The following CLSTN2 variants were observed in gnomAD, a reference collection of about 807,000 sequenced individuals.
CLSTN2 encodes calsyntenin 2.
In CLSTN2, 48 loss-of-function variants were observed where a neutral mutation model predicts 101.2. That is an observed-to-expected ratio of 0.47 (90% CI 0.38 to 0.60). The LOEUF is 0.60. Among genes scored for constraint, CLSTN2 ranks in the 20% least tolerant of loss-of-function variants. The pLI, the probability that CLSTN2 is intolerant of heterozygous loss-of-function variation, is 0.00. For synonymous variants in CLSTN2, 481 were observed against 463.6 expected (o/e 1.04, Z -0.48); for missense variants, 1,160 against 1,238.2 (o/e 0.94, Z 0.95).
intron 7 of CLSTN2, among the ~76,000 whole-genome samples, chr3:140,466,404 G>A (rs553769037): frequency 8.6e-4 from 131 of 152,262 alleles, no homozygotes; most frequent in African/African-American, 3.1e-3. Flanking sequence ...TTGGCTGTGG[G>A]TTTTCCTGAG....
At chr3:140,209,108 C>T (rs1009454442) in intron 2 of CLSTN2, among the ~76,000 whole-genome samples, 3 of 152,236 alleles carry the variant, frequency 2.0e-5, no homozygotes, top group Non-Finnish European at 4.4e-5. Context: ...GTCTACTCCA[C>T]TCATCTTGCT....
intron 2 of CLSTN2, among the ~76,000 whole-genome samples, chr3:140,179,639 A>AAC: frequency 6.7e-6 from 1 of 148,940 alleles, no homozygotes; most frequent in South Asian, 2.1e-4. Context: ...AAAAAAAAAA[A>AAC]AAAAAAAAAA....
At chr3:140,117,315 G>A (rs983552170) in intron 1 of CLSTN2, among the ~76,000 whole-genome samples, 1 of 152,190 alleles carries the variant, frequency 6.6e-6, no homozygotes, top group African/African-American at 2.4e-5. Flanking sequence ...GCTTGATCCA[G>A]CACATGGGGT....
intron 4 of CLSTN2, among the ~76,000 whole-genome samples, chr3:140,406,629 C>T (rs1018804498): frequency 1.3e-5 from 2 of 152,244 alleles, no homozygotes; most frequent in Non-Finnish European, 2.9e-5. Context: ...CAGAGGCACA[C>T]ATGTGCACAC....
intron 1 of CLSTN2, among the ~76,000 whole-genome samples, chr3:139,978,193 C>A (rs1438284118): frequency 1.3e-5 from 2 of 152,188 alleles, no homozygotes; most frequent in Admixed American, 6.5e-5. Flanking sequence ...TTGAGTCTAA[C>A]AAAACCAAGT....
intron 1 of CLSTN2, among the ~76,000 whole-genome samples, chr3:140,108,702 A>T (rs2009103091): frequency 6.6e-6 from 1 of 152,166 alleles, no homozygotes; most frequent in African/African-American, 2.4e-5. Flanking sequence ...GTTTCATCTC[A>T]TGGTATTTAT....
chr3:140,561,989 G>T (rs571658795), intron 12 of CLSTN2, 149 bp from the exon 13 acceptor site: 10 of 620,402 alleles, frequency 1.6e-5, no homozygotes, highest in Non-Finnish European at 2.5e-5. Flanking sequence ...GGACATCTGA[G>T]CGGTGGATGT....
chr3:140,149,010 C>A (rs2009822705), intron 1 of CLSTN2, among the ~76,000 whole-genome samples: 1 of 152,088 alleles, frequency 6.6e-6, no homozygotes, highest in Non-Finnish European at 1.5e-5. Flanking sequence ...GCCTGCTGGG[C>A]AATCCTAAAA....
At chr3:140,070,816 G>A (rs1359865446) in intron 1 of CLSTN2, among the ~76,000 whole-genome samples, 1 of 152,092 alleles carries the variant, frequency 6.6e-6, no homozygotes. Flanking sequence ...TTAGAACACA[G>A]CCACTATCAT....
chr3:140,088,789 A>G (rs2107784568), intron 1 of CLSTN2, among the ~76,000 whole-genome samples: 1 of 152,318 alleles, frequency 6.6e-6, no homozygotes, highest in South Asian at 2.1e-4. Context: ...GGAGGCCTTC[A>G]CAGCTTGCAG....
intron 1 of CLSTN2, among the ~76,000 whole-genome samples, chr3:140,056,592 C>A (rs976284476): frequency 6.6e-6 from 1 of 152,106 alleles, no homozygotes; most frequent in East Asian, 1.9e-4. Context: ...GGATAGGGAG[C>A]AGCTCCCAGA....
At chr3:140,265,969 C>T (rs2086690475) in intron 2 of CLSTN2, among the ~76,000 whole-genome samples, 1 of 152,206 alleles carries the variant, frequency 6.6e-6, no homozygotes, top group Non-Finnish European at 1.5e-5. Flanking sequence ...CTGGTGCAGA[C>T]ATCATCACTA....
In CLSTN2 at chr3:140,144,602, C is replaced by T. The variant is rs141402533; in HGVS notation, c.110-31349C>T. Among the ~76,000 whole-genome samples the T allele has an allele frequency of 2.5e-3, 382 of 151,998 alleles. 2 individuals are homozygous for T. The highest frequency in any genetic ancestry group is 8.9e-3 in the African/African-American group (370 of 41,446). On this transcript the variant is annotated intron_variant, in intron 1 of 16. Coordinates refer to ENST00000458420, the MANE Select transcript of CLSTN2 (RefSeq NM_022131.3). ...CTGCACTCCAGCCTGGGCATCAGAG[C>T]GAGACTTCATCTCCAAAAAAAAAAG...
chr3:139,971,892 A>C (rs9843430), intron 1 of CLSTN2, among the ~76,000 whole-genome samples: 40,522 of 152,008 alleles, frequency 0.27, 5,512 homozygotes, highest in African/African-American at 0.29. Context: ...CTGCAAAATG[A>C]AACCTCTGGT....
At chr3:140,050,186 C>A (rs1365637310) in intron 1 of CLSTN2, among the ~76,000 whole-genome samples, 1 of 152,154 alleles carries the variant, frequency 6.6e-6, no homozygotes, top group African/African-American at 2.4e-5. Context: ...TAATCTTGAG[C>A]AAATCCACAA....
intron 2 of CLSTN2, among the ~76,000 whole-genome samples, chr3:140,388,179 G>A (rs750974255): frequency 2.4e-4 from 37 of 152,200 alleles, no homozygotes; most frequent in African/African-American, 5.8e-4. Flanking sequence ...GTGAAAGTGC[G>A]GCAGCAAGAA....
chr3:139,959,603 T>A (rs1447397311), intron 1 of CLSTN2, among the ~76,000 whole-genome samples: 1 of 152,006 alleles, frequency 6.6e-6, no homozygotes, highest in Non-Finnish European at 1.5e-5. Flanking sequence ...TCTTTCATTG[T>A]CTCCTGGGTG....
intron 2 of CLSTN2, among the ~76,000 whole-genome samples, chr3:140,182,834 G>A (rs973475586): frequency 1.3e-5 from 2 of 152,190 alleles, no homozygotes; most frequent in East Asian, 1.9e-4. Flanking sequence ...TTTACTGGCA[G>A]TAGCTGGGGA....
rs1399819910 is a variant in CLSTN2, at chr3:140,241,832, C to CAT, written c.232+65769_232+65770dup. 1.9e-4 allele frequency among the ~76,000 whole-genome samples: 28 copies of CAT among 146,538 alleles called. No homozygotes were observed. The East Asian group carries it at 2.0e-3, about 10-fold the overall frequency. ...ATACACATATATATATATACACACA[C>CAT]ATATATATATACATATATATATACA... On this transcript the variant is annotated intron_variant, in intron 2 of 16. Transcript: ENST00000458420.
Sources: gnomAD v4.1 joint callset for allele counts (sites outside exome capture counted in the v4.1 genomes callset) on GRCh38, gnomAD v4.1.1 for gene constraint, MANE v1.5 for transcripts, NCBI Gene and HGNC (gene_info 2026-07-23, HGNC 2026-07-21) for gene names.